DSP: variants seen among roughly 807,000 people sequenced by gnomAD.
DSP encodes the protein 250/210 kDa paraneoplastic pemphigus antigen.
A neutral mutation model predicts 290.6 loss-of-function variants in DSP; 114 were observed. The ratio of observed to expected loss-of-function variants is 0.39; its 90% CI spans 0.34 to 0.46. The LOEUF (loss-of-function observed/expected upper bound fraction) is 0.46. DSP is among the 20% of genes least tolerant of loss of function. The pLI is 0.99. For missense variants in DSP, 3,230 were observed against 3,495.8 expected, an observed-to-expected ratio of 0.92 and a Z score of 1.92; for synonymous variants, 1,311 against 1,316.4, an observed-to-expected ratio of 1.00 and a Z score of 0.09.
intron 2 of DSP, 59 bp from the exon 3 acceptor site, chr6:7,558,057 C>G (rs190279952): frequency 2.1e-5 from 34 of 1,600,368 alleles, no homozygotes; most frequent in Non-Finnish European, 2.8e-5. Context: ...CCATTAATGC[C>G]CATGAAGGTT....
At chr6:7,570,328 C>T in intron 12 of DSP, 109 bp from the exon 13 acceptor site, 3 of 1,513,844 alleles carry the variant, frequency 2.0e-6, no homozygotes, top group Non-Finnish European at 2.7e-6. Context: ...GTTACTTTAT[C>T]AGTGACTGTT....
At chr6:7,570,831 C>A (rs1042342700) in intron 13 of DSP, among the ~76,000 whole-genome samples, 1 of 152,180 alleles carries the variant, frequency 6.6e-6, no homozygotes, top group Non-Finnish European at 1.5e-5. Flanking sequence ...TCATGCACTC[C>A]TGTAAGATTC....
intron 1 of DSP, among the ~76,000 whole-genome samples, chr6:7,547,306 C>G (rs1160483080): frequency 1.3e-5 from 2 of 151,984 alleles, no homozygotes; most frequent in Admixed American, 1.3e-4. Context: ...TATGGCTCAC[C>G]ACCGACACCT....
Position 7,585,921 on chromosome 6 carries a change from T to C in DSP, c.*43T>C, listed in dbSNP as rs373414877. 4 of 1,576,404 alleles carry C rather than the reference T, an allele frequency of 2.5e-6. No individual in the cohort carries two copies. Among genetic ancestry groups the C allele is most frequent in the Non-Finnish European group, 2.6e-6 (3 of 1,149,494 alleles). On this transcript the variant is annotated 3_prime_UTR_variant, in exon 24 of 24. Transcript: ENST00000379802. The stretch of plus-strand genomic sequence containing the variant: ...TTGCTATACCTTGACTTCATTTATA[T>C]GAATTTCCACTTTATTAAATAATAG...
Position 7,567,454 on chromosome 6 carries a change from T to C in DSP, c.1140+5T>C, listed in dbSNP as rs1758896705. Reference sequence around the variant, plus strand: ...GAAAATGCTGCCTACTTTCAGGTTTTTATATTTAGTGATAATTTTGTTGTT... The same window carrying C: ...GAAAATGCTGCCTACTTTCAGGTTTCTATATTTAGTGATAATTTTGTTGTT... On this transcript the variant is annotated splice_donor_5th_base_variant and intron_variant, in intron 9 of 23. Coordinates refer to ENST00000379802, the MANE Select transcript of DSP (RefSeq NM_004415.4). 1 of 1,610,676 alleles carries C rather than the reference T, an allele frequency of 6.2e-7. No homozygotes were observed. Among genetic ancestry groups the C allele is most frequent in the African/African-American group, 1.3e-5 (1 of 74,910 alleles).
chr6:7,546,094 T>C (rs142277288), intron 1 of DSP, among the ~76,000 whole-genome samples: 47 of 152,262 alleles, frequency 3.1e-4, no homozygotes, highest in Non-Finnish European at 5.9e-4. Context: ...GCTTCTGGAC[T>C]GTTTAGGCGT....
rs769734918 is a variant in DSP at position 7,585,652 on chromosome 6, T to C, written c.8390T>C (p.Ile2797Thr). ...ATAAATCGCTCCATGGTAGAAGATA[T>C]CACTGGGCTGCGCCTTCTGGAAGCC... Reference protein sequence around the residue: ...DAINRSMVEDITGLRLLEAAS... With the variant: ...DAINRSMVEDTTGLRLLEAAS... Residue 2797 changes from isoleucine to threonine, a missense_variant, in exon 24 of 24, where the codon ATC becomes ACC. Physicochemically the swap from Ile to Thr is moderately conservative, Grantham distance 89. Coordinates refer to ENST00000379802, the MANE Select transcript of DSP (RefSeq NM_004415.4). 31 of 1,614,084 alleles carry C rather than the reference T, an allele frequency of 1.9e-5. No homozygotes were observed. The highest frequency in any genetic ancestry group is 1.6e-4 in the Middle Eastern group (1 of 6,084).
intron 1 of DSP, among the ~76,000 whole-genome samples, chr6:7,547,781 G>T (rs1376598427): frequency 6.6e-6 from 1 of 152,068 alleles, no homozygotes; most frequent in African/African-American, 2.4e-5. Context: ...TGCTGCTAAA[G>T]TGTATCACTC....
intron 16 of DSP, 148 bp downstream of exon 16, chr6:7,574,400 C>T (rs746455450): frequency 1.6e-5 from 15 of 916,468 alleles, no homozygotes; most frequent in Non-Finnish European, 2.2e-5. Flanking sequence ...ATGTTAATTC[C>T]GCTAGCCTCG....
In DSP at chr6:7,583,142, C is replaced by T. The variant is rs375883982; in HGVS notation, c.5880C>T (p.Thr1960=). The part of the protein sequence containing the change: ...HRETQTECEW[T]VDTSKLVFDG... ...AGACCCAGACTGAGTGTGAGTGGAC[C>T]GTTGACACCTCCAAGCTGGTGTTTG... Residue 1960 remains threonine (T), a synonymous_variant, in exon 24 of 24, where the codon ACC becomes ACT. Transcript: ENST00000379802. The surrounding 1 kb of genome is among the most constrained non-coding windows in gnomAD (Gnocchi z 4.0). 41 of 1,613,960 alleles carry T rather than the reference C, an allele frequency of 2.5e-5. No individual in the cohort carries two copies. The highest frequency in any genetic ancestry group is 6.7e-5 in the Admixed American group (4 of 60,000).
intron 12 of DSP, 84 bp from the exon 13 acceptor site, chr6:7,570,353 A>G: frequency 6.2e-7 from 1 of 1,602,340 alleles, no homozygotes; most frequent in African/African-American, 1.3e-5. Flanking sequence ...GTTTTTGTGC[A>G]GTGGTGTGAG....
chr6:7,560,497 C>T (rs984847435), intron 4 of DSP, among the ~76,000 whole-genome samples: 3 of 152,138 alleles, frequency 2.0e-5, no homozygotes, highest in Non-Finnish European at 2.9e-5. Context: ...TTCTAATCTT[C>T]GAGCACATTT....
chr6:7,547,894 CTCTTT>C (rs1758211109), intron 1 of DSP, among the ~76,000 whole-genome samples: 1 of 152,156 alleles, frequency 6.6e-6, no homozygotes, highest in Admixed American at 6.5e-5. Flanking sequence ...TTTCCTCTTT[CTCTTT>C]TTTTTCTTAT....
At chr6:7,574,544 T>C in intron 16 of DSP, 113 bp from the exon 17 acceptor site, 1 of 1,493,670 alleles carries the variant, frequency 6.7e-7, no homozygotes, top group Non-Finnish European at 9.3e-7. Flanking sequence ...ACAGACAAAA[T>C]AAATTTTTAT....
Position 7,585,174 on chromosome 6 carries a change from G to C in DSP, c.7912G>C (p.Glu2638Gln), listed in dbSNP as rs1759605608. Residue 2638 changes from glutamate to glutamine, a missense_variant, in exon 24 of 24, where the codon GAG (glutamate) becomes CAG (glutamine). By Grantham distance (29) the Glu-to-Gln change is conservative. Transcript: ENST00000379802. ...LEKISITEGI[E>Q]RGIVDSITGQ... The stretch of plus-strand genomic sequence containing the variant: ...GAAAATCTCCATTACAGAAGGTATA[G>C]AGCGGGGCATCGTTGACAGCATCAC... The C allele has an allele frequency of 3.7e-6, 6 of 1,614,026 alleles. No individual in the cohort carries two copies. In the East Asian group the frequency reaches 1.3e-4, roughly 36 times the overall value.
chr6:7,557,483 C>A (rs961768112), intron 2 of DSP, among the ~76,000 whole-genome samples: 6 of 152,154 alleles, frequency 3.9e-5, no homozygotes, highest in Non-Finnish European at 8.8e-5. Flanking sequence ...AGTTCAAGAC[C>A]AGCCTGGCCA....
chr6:7,560,612 C>T (rs1038992750), intron 4 of DSP, among the ~76,000 whole-genome samples: 4 of 152,146 alleles, frequency 2.6e-5, no homozygotes, highest in Admixed American at 2.6e-4. Context: ...GCTCAAATGC[C>T]AAATTTCTGT....
chr6:7,558,361 G>A, intron 3 of DSP, 97 bp downstream of exon 3: 1 of 1,513,384 alleles, frequency 6.6e-7, no homozygotes, highest in Non-Finnish European at 9.0e-7. Context: ...TCCTTTGAAG[G>A]CAGCACAAAT....
intron 23 of DSP, among the ~76,000 whole-genome samples, chr6:7,581,811 C>T (rs1203707121): frequency 6.6e-6 from 1 of 152,162 alleles, no homozygotes; most frequent in Non-Finnish European, 1.5e-5. Context: ...TGTGTTTGGC[C>T]CTGCTTTTAA....
Sources: gnomAD v4.1 joint callset for allele counts (sites outside exome capture counted in the v4.1 genomes callset) on GRCh38, gnomAD v4.1.1 for gene constraint, Gnocchi (gnomAD v3.1) non-coding constraint, MANE v1.5 for transcripts, NCBI Gene and HGNC (gene_info 2026-07-23, HGNC 2026-07-21) for gene names.